The following HNRNPDL variants were observed in gnomAD, a reference collection of about 807,000 sequenced individuals.
The protein encoded by HNRNPDL is heterogeneous nuclear ribonucleoprotein D like.
Under a neutral mutation model 48.0 loss-of-function variants are expected in HNRNPDL, and 18 were observed. The ratio of observed to expected loss-of-function variants is 0.38; its 90% CI spans 0.26 to 0.56. The LOEUF (loss-of-function observed/expected upper bound fraction) is 0.56. Among genes scored for constraint, HNRNPDL ranks in the 20% least tolerant of loss-of-function variants. The probability of loss-of-function intolerance (pLI) is 0.77; values close to 1 mark genes in which losing one functional copy is unlikely to be tolerated. For missense variants in HNRNPDL, 553 were observed against 540.7 expected (o/e 1.02, Z -0.23); for synonymous variants, 306 against 207.3 (o/e 1.48, Z -4.09).
In HNRNPDL at chr4:82,429,200, C is replaced by G. The variant is rs745924397; in HGVS notation, c.443+48G>C. ...CGCGGCTCACGAGGAACGAAGGGCG[C>G]GTGCGGCGCGCTGGGGGAGGGGGAG... On this transcript the variant is annotated intron_variant, in intron 1 of 7. Transcript: ENST00000295470. 9.0e-6 allele frequency: 14 copies of G among 1,561,018 alleles called. No homozygotes were observed. In the South Asian group the frequency reaches 1.4e-4, roughly 16 times the overall value.
In HNRNPDL at chr4:82,427,879, G is replaced by A. The variant is rs991298475; in HGVS notation, c.774+139C>T. On this transcript the variant is annotated intron_variant, in intron 3 of 7. Coordinates refer to ENST00000295470, the MANE Select transcript of HNRNPDL (RefSeq NM_031372.4). The stretch of plus-strand genomic sequence containing the variant: ...CCATCAGAGCAGCAATGAAATCAAG[G>A]TACAGTCACTGGAAGCGACTTGAGC... 58 of 829,818 alleles carry A rather than the reference G, an allele frequency of 7.0e-5. 1 individual carries two copies. The East Asian group carries it at 1.3e-3, about 18-fold the overall frequency. 51.4% of individuals were successfully genotyped at this position (829,818 alleles called of 1,614,324 possible). A position where few individuals can be genotyped will look rare whatever the true frequency, so the allele number is the denominator to read the frequency against.
rs1721644844 is a variant in HNRNPDL, at chr4:82,429,890, C to G, written c.-200G>C. Reference sequence around the variant, plus strand: ...GGTCCAGCCCACTCCTACCAAAAAGCCGTCAACCCCGCCTTTTTCTGCCCT... The same window carrying G: ...GGTCCAGCCCACTCCTACCAAAAAGGCGTCAACCCCGCCTTTTTCTGCCCT... On this transcript the variant is annotated 5_prime_UTR_variant, in exon 1 of 8. Coordinates refer to ENST00000295470, the MANE Select transcript of HNRNPDL (RefSeq NM_031372.4). 1 of 396,996 alleles carries G rather than the reference C, an allele frequency of 2.5e-6. No homozygotes were observed. Among genetic ancestry groups the G allele is most frequent in the African/African-American group, 2.1e-5 (1 of 48,422 alleles). 24.6% of individuals were successfully genotyped at this position (396,996 alleles called of 1,614,324 possible).
At chr4:82,427,928 G>A (rs1360028991) in intron 3 of HNRNPDL, 90 bp downstream of exon 3, 2 of 1,266,382 alleles carry the variant, frequency 1.6e-6, no homozygotes, top group South Asian at 1.4e-5. Context: ...TACTCTTACA[G>A]GAAACATGAA....
rs576074747 is a variant in HNRNPDL at position 82,424,784 on chromosome 4, C to T, written c.*122G>A. The T allele has an allele frequency of 3.2e-4, 48 of 152,376 alleles. No individual in the cohort carries two copies. The highest frequency in any genetic ancestry group is 2.0e-3 in the Admixed American group (30 of 15,302). 9.4% of individuals were successfully genotyped at this position (152,376 alleles called of 1,614,324 possible). A position where few individuals can be genotyped will look rare whatever the true frequency, so the allele number is the denominator to read the frequency against. On this transcript the variant is annotated 3_prime_UTR_variant, in exon 8 of 8. Transcript: ENST00000295470. Reference sequence around the variant, plus strand: ...TATATACAGTTGGACACAATGGTGTCTTGTACACTAGAAAGTCTTTTACAA... The same window carrying T: ...TATATACAGTTGGACACAATGGTGTTTTGTACACTAGAAAGTCTTTTACAA...
Position 82,429,388 on chromosome 4 carries a change from A to G in HNRNPDL, c.303T>C (p.Ala101=), listed in dbSNP as rs750185803. 9.9e-6 allele frequency: 16 copies of G among 1,613,390 alleles called. No individual in the cohort carries two copies. In the African/African-American group the frequency reaches 1.6e-4, roughly 16 times the overall value. The change falls in exon 1 of 8, where the codon GCT becomes GCC. Residue 101 remains alanine, a synonymous_variant. Coordinates refer to ENST00000295470, the MANE Select transcript of HNRNPDL (RefSeq NM_031372.4). ...KSSSIQRSAA[A]AAATRTARQH... is the part of the protein sequence containing the mutation. The stretch of plus-strand genomic sequence containing the variant: ...GGCGCGCAGTCCGGGTCGCGGCAGC[A>G]GCGGCGGCGGAGCGTTGTATGGAGC...
chr4:82,429,691 C>G lies in HNRNPDL; in HGVS notation c.-1G>C, dbSNP rs1721631515. The G allele has an allele frequency of 1.5e-6, 2 of 1,349,754 alleles. No individual in the cohort carries two copies. Among genetic ancestry groups the G allele is most frequent in the African/African-American group, 1.5e-5 (1 of 64,908 alleles). The allele number at this position is 1,349,754 out of a possible 1,614,324, so 83.6% of individuals were successfully genotyped here. A position where few individuals can be genotyped will look rare whatever the true frequency, so the allele number is the denominator to read the frequency against. On this transcript the variant is annotated 5_prime_UTR_variant, in exon 1 of 8. Transcript: ENST00000295470. ...GGGAAAGCCTGGGCGGGACCTCCAT[C>G]GCGGCCCTCCCGGCAAGGAGAGAGG... is the stretch of plus-strand genomic sequence containing the variant.
At chr4:82,426,181 T>C (rs778497871) in intron 6 of HNRNPDL, 52 bp from the exon 7 acceptor site, 5 of 1,441,800 alleles carry the variant, frequency 3.5e-6, no homozygotes. Flanking sequence ...CAAAACTTTC[T>C]TTACAAACAC....
intron 1 of HNRNPDL, among the ~76,000 whole-genome samples, chr4:82,428,863 G>T (rs917067998): frequency 6.6e-6 from 1 of 152,332 alleles, no homozygotes; most frequent in Non-Finnish European, 1.5e-5. Context: ...GCCTGCTTGT[G>T]CCCCAACTCA....
intron 1 of HNRNPDL, 39 bp downstream of exon 1, chr4:82,429,209 C>T (rs749421076): frequency 2.6e-5 from 42 of 1,591,560 alleles, no homozygotes; most frequent in Non-Finnish European, 3.1e-5. Flanking sequence ...GCGTGCGGCG[C>T]GCTGGGGGAG....
rs1275811969 is a variant in HNRNPDL, at chr4:82,426,132, ATT to A, written c.1193-5_1193-4del. 1.9e-6 allele frequency: 3 copies of A among 1,611,152 alleles called. No homozygotes were observed. In the East Asian group the frequency reaches 6.7e-5, roughly 36 times the overall value. ...CTTGCCATAAGTGCTCTGTTGGCCT[ATT>A]TTGAAAACACAGAATTCTCATTAAG... is the stretch of plus-strand genomic sequence containing the variant. On this transcript the variant is annotated splice_polypyrimidine_tract_variant and splice_region_variant and intron_variant, in intron 6 of 7. Transcript: ENST00000295470.
At chr4:82,425,880 ATAGACACTT>A in intron 7 of HNRNPDL, 148 bp downstream of exon 7, 1 of 585,266 alleles carries the variant, frequency 1.7e-6, no homozygotes, top group Non-Finnish European at 3.0e-6. Flanking sequence ...TTAAAGATCT[ATAGACACTT>A]TAGGCAAAAC....
chr4:82,429,210 G>A, intron 1 of HNRNPDL, 38 bp downstream of exon 1: 1 of 1,594,020 alleles, frequency 6.3e-7, no homozygotes. Context: ...CGTGCGGCGC[G>A]CTGGGGGAGG....
In HNRNPDL at chr4:82,429,166, G is replaced by C; in HGVS notation, c.443+82C>G. The C allele has an allele frequency of 3.1e-6, 4 of 1,280,552 alleles. No individual in the cohort carries two copies. The East Asian group carries it at 9.2e-5, about 30-fold the overall frequency. The allele number at this position is 1,280,552 out of a possible 1,614,324, so 79.3% of individuals were successfully genotyped here. On this transcript the variant is annotated intron_variant, in intron 1 of 7. Transcript: ENST00000295470. Reference sequence around the variant, plus strand: ...GGGGAATCGACTCTGAGAAAGAATGGGGGCAGCGCGCGGCTCACGAGGAAC... The same window carrying C: ...GGGGAATCGACTCTGAGAAAGAATGCGGGCAGCGCGCGGCTCACGAGGAAC...
In HNRNPDL at chr4:82,427,217, G is replaced by C; in HGVS notation, c.994C>G (p.Arg332Gly). 1 of 1,613,264 alleles carries C rather than the reference G, an allele frequency of 6.2e-7. No homozygotes were observed. ...CGGCCACGACCCCTCGTACCACCTC[G>C]TCCACCAGCTGCAGCACCTCTTCCA... ...KGGRGAAAGG[R>G]GGTRGRGRGQ... Residue 332 changes from arginine to glycine, a missense_variant, in exon 5 of 8, where the codon CGA becomes GGA. Around this residue, in one of 4 missense-constraint regions of HNRNPDL, gnomAD observed 174 missense variants for 204.6 expected, o/e 0.85. Transcript: ENST00000295470.
In HNRNPDL at chr4:82,426,051, G is replaced by A. The variant is rs771466422; in HGVS notation, c.*8C>T. 7.1e-5 allele frequency: 114 copies of A among 1,602,234 alleles called. No individual in the cohort carries two copies. The highest frequency in any genetic ancestry group is 7.0e-4 in the Middle Eastern group (4 of 5,722). ...CTTATACACACCTGTTTTCTCCAAT[G>A]TTCTCCTTTAGTATGGCTGGTAATT... On this transcript the variant is annotated 3_prime_UTR_variant, in exon 7 of 8. Coordinates refer to ENST00000295470, the MANE Select transcript of HNRNPDL (RefSeq NM_031372.4).
chr4:82,424,031 T>C lies in HNRNPDL; in HGVS notation c.*875A>G, dbSNP rs1444375572. The C allele has an allele frequency of 6.6e-6, 1 of 152,222 alleles. No homozygotes were observed. The highest frequency in any genetic ancestry group is 2.4e-5 in the African/African-American group (1 of 41,454). 9.4% of individuals were successfully genotyped at this position (152,222 alleles called of 1,614,324 possible). ...TCTGAGAAAACACAACTAAATCTTA[T>C]TTTGCCACTATTTTAATTTTTCGAC... On this transcript the variant is annotated 3_prime_UTR_variant, in exon 8 of 8. Transcript: ENST00000295470.
In HNRNPDL at chr4:82,423,420, G is replaced by C. The variant is rs1263352255; in HGVS notation, c.*1486C>G. The C allele has an allele frequency of 6.6e-6, 1 of 152,034 alleles. No homozygotes were observed. Among genetic ancestry groups the C allele is most frequent in the African/African-American group, 2.4e-5 (1 of 41,372 alleles). The allele number at this position is 152,034 out of a possible 1,614,324, so 9.4% of individuals were successfully genotyped here. On this transcript the variant is annotated 3_prime_UTR_variant, in exon 8 of 8. Transcript: ENST00000295470. ...TTCTAACAGCCAACATTGGTACTTG[G>C]CCTAAGTTTAAGAATAGCAAAACAG... is the stretch of plus-strand genomic sequence containing the variant.
intron 5 of HNRNPDL, 51 bp from the exon 6 acceptor site, chr4:82,426,684 T>G: frequency 6.8e-7 from 1 of 1,472,606 alleles, no homozygotes; most frequent in Non-Finnish European, 9.5e-7. Flanking sequence ...CCCCCAATTC[T>G]AACATAAAAT....
intron 3 of HNRNPDL, 120 bp from the exon 4 acceptor site, chr4:82,427,684 A>G (rs1341309334): frequency 1.2e-6 from 1 of 847,084 alleles, no homozygotes; most frequent in Non-Finnish European, 1.9e-6. Context: ...TGACTTCTAT[A>G]CAGACATCAC....
Sources: allele counts gnomAD v4.1 joint callset (sites outside exome capture counted in the v4.1 genomes callset), GRCh38; gene constraint gnomAD v4.1.1; regional missense constraint gnomAD v4.1.1; transcripts MANE v1.5; gene names NCBI Gene and HGNC (gene_info 2026-07-23, HGNC 2026-07-21).